Variants in ETNK2 observed in about 807,000 individuals in gnomAD.
ETNK2 encodes the protein ethanolamine kinase-like protein.
ETNK2 carries 33 observed loss-of-function variants against 46.2 expected under a neutral mutation model. The ratio of observed to expected loss-of-function variants is 0.71; its 90% CI spans 0.54 to 0.96. ETNK2 has a LOEUF of 0.96. ETNK2 is among the 40% of genes least tolerant of loss of function. ETNK2 has a pLI of 0.00. For missense variants in ETNK2, 445 were observed against 509.7 expected, an observed-to-expected ratio of 0.87 and a Z score of 1.22; for synonymous variants, 194 against 209.0, an observed-to-expected ratio of 0.93 and a Z score of 0.62.
intron 7 of ETNK2, among the ~76,000 whole-genome samples, chr1:204,133,805 AC>A (rs1657173539): frequency 6.6e-6 from 1 of 152,198 alleles, no homozygotes; most frequent in African/African-American, 2.4e-5. Context: ...TGCTGGGATT[AC>A]AGGCGTGAGC....
At chr1:204,136,498 T>G (rs944307620) in intron 6 of ETNK2, among the ~76,000 whole-genome samples, 1 of 149,708 alleles carries the variant, frequency 6.7e-6, no homozygotes, top group East Asian at 2.0e-4. Context: ...TCACCTGAGG[T>G]CAGGAGTTCA....
chr1:204,145,910 G>A (rs1657761701), intron 3 of ETNK2, among the ~76,000 whole-genome samples: 4 of 152,290 alleles, frequency 2.6e-5, no homozygotes, highest in South Asian at 2.1e-4. Context: ...GGGTGTGTTG[G>A]GGAGTCAGGC....
intron 7 of ETNK2, among the ~76,000 whole-genome samples, chr1:204,134,270 T>C (rs1433341171): frequency 6.6e-6 from 1 of 152,146 alleles, no homozygotes; most frequent in African/African-American, 2.4e-5. Flanking sequence ...GCGGTAGGAT[T>C]TCGTGGGGAC....
At chr1:204,137,596 C>T (rs1168465077) in intron 5 of ETNK2, among the ~76,000 whole-genome samples, 1 of 152,156 alleles carries the variant, frequency 6.6e-6, no homozygotes, top group Non-Finnish European at 1.5e-5. Flanking sequence ...GCACAGGAGG[C>T]CCTCAGTTAA....
chr1:204,141,662 T>C (rs1368636806), intron 3 of ETNK2: 3 of 586,770 alleles, frequency 5.1e-6, no homozygotes, highest in East Asian at 5.7e-5. Flanking sequence ...CTGGTTATGC[T>C]AGGAAGCTGA....
At chr1:204,143,114 G>C (rs1657625021) in intron 3 of ETNK2, 1 of 152,144 alleles carries the variant, frequency 6.6e-6, no homozygotes, top group South Asian at 2.1e-4. Flanking sequence ...GCTGGGAGAG[G>C]TGATATGGGG....
Position 204,141,460 on chromosome 1 carries a change from G to A in ETNK2, c.642-3C>T, listed in dbSNP as rs537211651. On this transcript the variant is annotated splice_region_variant and splice_polypyrimidine_tract_variant and intron_variant, in intron 3 of 7. Coordinates refer to ENST00000367202, the MANE Select transcript of ETNK2 (RefSeq NM_018208.4). ...CCTTAGGGACATCTGCAGAAAGGCTGGGCAGTGGCAAAAAAGGTAGCCAGT... is the reference window on the plus strand; with the variant it reads ...CCTTAGGGACATCTGCAGAAAGGCTAGGCAGTGGCAAAAAAGGTAGCCAGT... 19 of 1,577,392 alleles carry A rather than the reference G, an allele frequency of 1.2e-5. No individual in the cohort carries two copies. The South Asian group carries it at 2.1e-4, about 17-fold the overall frequency.
intron 5 of ETNK2, 113 bp downstream of exon 5, chr1:204,139,922 G>A (rs928336686): frequency 1.2e-6 from 1 of 816,194 alleles, no homozygotes; most frequent in African/African-American, 1.7e-5. Flanking sequence ...GTAAAAATAT[G>A]GTACCTATTA....
At chr1:204,145,170 G>A (rs1657732106) in intron 3 of ETNK2, among the ~76,000 whole-genome samples, 1 of 152,194 alleles carries the variant, frequency 6.6e-6, no homozygotes. Flanking sequence ...ATCCCCTAAA[G>A]AGGCTCAACG....
chr1:204,148,569 G>GAC (rs61199759), intron 2 of ETNK2, among the ~76,000 whole-genome samples: 6,388 of 145,246 alleles, frequency 0.044, 141 homozygotes, highest in South Asian at 0.087. Flanking sequence ...ACACCCTCAA[G>GAC]ACACACACAC....
chr1:204,149,072 C>T (rs1055927227), intron 2 of ETNK2, among the ~76,000 whole-genome samples: 2 of 152,298 alleles, frequency 1.3e-5, no homozygotes, highest in African/African-American at 2.4e-5. Flanking sequence ...CCACAGCATT[C>T]CCAGGGCTTG....
chr1:204,136,982 C>A, intron 6 of ETNK2, 122 bp downstream of exon 6: 1 of 1,364,670 alleles, frequency 7.3e-7, no homozygotes, highest in Admixed American at 2.1e-5. Context: ...GGTCAGGAGC[C>A]AGGGATGGGT....
At position 204,135,013 on chromosome 1, in the gene ETNK2, G is replaced by T. The variant is rs1292937648; in HGVS notation, c.1015-425C>A. On this transcript the variant is annotated intron_variant, in intron 6 of 7. Coordinates refer to ENST00000367202, the MANE Select transcript of ETNK2 (RefSeq NM_018208.4). The stretch of plus-strand genomic sequence containing the variant: ...CCAGAGGTTAGGCTTAATGGTCAGT[G>T]GGGGGCTGGAGCCTCTCAGGAAGGT... Among the ~76,000 whole-genome samples, 4 of 152,170 alleles carry T rather than the reference G, an allele frequency of 2.6e-5. 1 individual carries two copies. Among genetic ancestry groups the T allele is most frequent in the Non-Finnish European group, 5.9e-5 (4 of 68,022 alleles).
chr1:204,134,443 C>A, intron 7 of ETNK2, 72 bp downstream of exon 7: 1 of 1,542,354 alleles, frequency 6.5e-7, no homozygotes, highest in South Asian at 1.2e-5. Context: ...CCTGGGCTGT[C>A]CTTTGCCCAC....
rs116378883 is a variant in ETNK2 at position 204,146,990 on chromosome 1, G to C, written c.519-226C>G. 5,735 of 665,212 alleles carry C rather than the reference G, an allele frequency of 8.6e-3. 239 individuals carry two copies. In the African/African-American group the frequency reaches 0.091, roughly 11 times the overall value. 41.2% of individuals were successfully genotyped at this position (665,212 alleles called of 1,614,324 possible). ...CCTTAGCCTGGCTGCTCCCTTTCCA[G>C]TGCCAGGCTGGGGCTGCCTCAGGGA... On this transcript the variant is annotated intron_variant, in intron 2 of 7. Transcript: ENST00000367202.
intron 4 of ETNK2, among the ~76,000 whole-genome samples, chr1:204,140,684 C>T (rs751998368): frequency 3.3e-5 from 5 of 151,450 alleles, no homozygotes; most frequent in Admixed American, 6.6e-5. Context: ...ACCACCATGC[C>T]CAGCTAATTT....
At chr1:204,135,877 A>G (rs1451813986) in intron 6 of ETNK2, among the ~76,000 whole-genome samples, 2 of 152,212 alleles carry the variant, frequency 1.3e-5, no homozygotes, top group East Asian at 3.9e-4. Flanking sequence ...CTGCAAGCCA[A>G]CATTAGCAAT....
chr1:204,147,131 G>A (rs1233317642), intron 2 of ETNK2: 4 of 397,478 alleles, frequency 1.0e-5, no homozygotes, highest in East Asian at 6.6e-5. Flanking sequence ...GGCGGGGCTG[G>A]CCCTCCTCTC....
chr1:204,149,637 T>C (rs1162606699), intron 2 of ETNK2, 66 bp downstream of exon 2: 9 of 1,503,186 alleles, frequency 6.0e-6, no homozygotes, highest in Non-Finnish European at 8.0e-6. Context: ...GGACCCCACA[T>C]GCCAAGGATT....
Sources: allele counts gnomAD v4.1 joint callset (sites outside exome capture counted in the v4.1 genomes callset), GRCh38; gene constraint gnomAD v4.1.1; transcripts MANE v1.5; gene names NCBI Gene and HGNC (gene_info 2026-07-23, HGNC 2026-07-21).